Variants in SLFN11 observed in about 807,000 individuals in gnomAD.
SLFN11 encodes the protein schlafen family member 11.
In SLFN11, 43 loss-of-function variants were observed where a neutral mutation model predicts 53.4. The ratio of observed to expected loss-of-function variants is 0.80; its 90% CI spans 0.63 to 1.04. SLFN11 has a LOEUF of 1.04. Ranked by LOEUF, SLFN11 falls within the 50% of genes least tolerant of loss-of-function variation. SLFN11 has a pLI of 0.00. For synonymous variants in SLFN11, 389 were observed against 394.7 expected, an observed-to-expected ratio of 0.99 and a Z score of 0.17; for missense variants, 990 against 1,079.1, an observed-to-expected ratio of 0.92 and a Z score of 1.16.
intron 6 of SLFN11, 82 bp downstream of exon 6, chr17:35,353,254 T>C (rs533103756): frequency 1.3e-3 from 2,051 of 1,604,694 alleles, no homozygotes; most frequent in Non-Finnish European, 1.6e-3. Context: ...TACCACTCAA[T>C]TCTCAAGAAA....
chr17:35,360,868 A>G (rs116183632), intron 4 of SLFN11, among the ~76,000 whole-genome samples: 104 of 152,144 alleles, frequency 6.8e-4, no homozygotes, highest in African/African-American at 2.4e-3. Context: ...TACTCAAGAG[A>G]CTGAAGTGAG....
At position 35,363,447 on chromosome 17, in the gene SLFN11, C is replaced by A. The variant is rs12453150; in HGVS notation, c.361G>T (p.Val121Phe). The change falls in exon 4 of 7, where the codon GTC (valine) becomes TTC (phenylalanine). Residue 121 changes from valine to phenylalanine, a missense_variant. Transcript: ENST00000685675. ...CTGAGGCTGCAAAGGCGGGGCTTGA[C>A]AGAGCGATCTTCAGGGAAAGGGCCA... Reference protein sequence around the residue: ...SSGPFPEDRSVKPRLCSLSSS... With the variant: ...SSGPFPEDRSFKPRLCSLSSS... The A allele has an allele frequency of 0.52, 836,731 of 1,613,578 alleles. 222,433 individuals carry two copies. Among genetic ancestry groups the A allele is most frequent in the Non-Finnish European group, 0.54 (636,591 of 1,179,862 alleles).
At chr17:35,361,070 T>C (rs1908148759) in intron 4 of SLFN11, among the ~76,000 whole-genome samples, 1 of 152,124 alleles carries the variant, frequency 6.6e-6, no homozygotes, top group South Asian at 2.1e-4. Context: ...CTTTATAATA[T>C]CTCCTTTCCA....
chr17:35,363,315 G>A lies in SLFN11; in HGVS notation c.493C>T (p.Pro165Ser). ...ACACCCTTGTGAATTTTGTGAAAAG[G>A]TCCTTCTTCCAAGATTTTTGGCTTC... ...KRKPKILEEG[P>S]FHKIHKGVYQ... The change falls in exon 4 of 7, where the codon CCT becomes TCT. Residue 165 changes from proline (P) to serine (S), a missense_variant. Around this residue, in one of 3 missense-constraint regions of SLFN11, gnomAD observed 521 missense variants for 516.2 expected, o/e 1.01. Transcript: ENST00000685675. 1.2e-6 allele frequency: 2 copies of A among 1,613,972 alleles called. No individual in the cohort carries two copies. Among genetic ancestry groups the A allele is most frequent in the Non-Finnish European group, 8.5e-7 (1 of 1,179,992 alleles).
intron 4 of SLFN11, 49 bp from the exon 5 acceptor site, chr17:35,360,420 T>A: frequency 1.3e-6 from 2 of 1,518,886 alleles, no homozygotes; most frequent in Non-Finnish European, 8.9e-7. Flanking sequence ...CTCTTCATAC[T>A]GAAAGAGGCT....
In SLFN11 at chr17:35,352,893, T is replaced by C; in HGVS notation, c.2169A>G (p.Pro723=). The C allele has an allele frequency of 1.2e-6, 2 of 1,614,196 alleles. No individual in the cohort carries two copies. The highest frequency in any genetic ancestry group is 1.3e-5 in the African/African-American group (1 of 75,048). Residue 723 remains proline, a synonymous_variant, in exon 7 of 7, where the codon CCA becomes CCG. Transcript: ENST00000685675. ...GAACTATTCTGGTGAGCTCTTCTCT[T>C]GGATATTGGTCTGAGAGAGGAGGGA... ...SGLPPLSDQY[P]REELTRIVRN...
In SLFN11 at chr17:35,362,880, C is replaced by A; in HGVS notation, c.928G>T (p.Gly310Cys). ...TTTACTCTGATCATGCAAGCATAGC[C>A]ATAGAGCTCTCCCCTTTTTAACACA... Reference protein sequence around the residue: ...VNVLKRGELYGYACMIRVNPF... With the variant: ...VNVLKRGELYCYACMIRVNPF... The change falls in exon 4 of 7, where the codon GGC (glycine) becomes TGC (cysteine). Residue 310 changes from glycine (G) to cysteine (C), a missense_variant. Coordinates refer to ENST00000685675, the MANE Select transcript of SLFN11 (RefSeq NM_001376007.1). 1 of 1,613,950 alleles carries A rather than the reference C, an allele frequency of 6.2e-7. No homozygotes were observed. The highest frequency in any genetic ancestry group is 8.5e-7 in the Non-Finnish European group (1 of 1,179,942).
At chr17:35,368,460 G>A (rs951134948) in intron 1 of SLFN11, among the ~76,000 whole-genome samples, 3 of 152,152 alleles carry the variant, frequency 2.0e-5, no homozygotes, top group African/African-American at 7.2e-5. Context: ...GCCCTAGTGA[G>A]ATGGAAATTG....
intron 5 of SLFN11, among the ~76,000 whole-genome samples, chr17:35,354,690 G>A (rs1907245352): frequency 6.6e-6 from 1 of 152,126 alleles, no homozygotes; most frequent in Non-Finnish European, 1.5e-5. Flanking sequence ...TCTTCCCTGT[G>A]TCACAGGCAA....
chr17:35,368,246 C>G (rs1031461904), intron 1 of SLFN11, among the ~76,000 whole-genome samples: 13 of 152,082 alleles, frequency 8.5e-5, no homozygotes. Flanking sequence ...GAGGGCAGAA[C>G]AAGACGGTGT....
intron 1 of SLFN11, among the ~76,000 whole-genome samples, chr17:35,368,216 C>G (rs910034376): frequency 5.9e-5 from 9 of 152,006 alleles, no homozygotes; most frequent in Admixed American, 3.3e-4. Context: ...CAGATAGAAA[C>G]TGAACAGAAA....
At chr17:35,359,177 C>A (rs1418363627) in intron 5 of SLFN11, among the ~76,000 whole-genome samples, 13 of 151,998 alleles carry the variant, frequency 8.6e-5, no homozygotes, top group Admixed American at 8.5e-4. Context: ...GGGCATATAG[C>A]CCATTATTTT....
chr17:35,369,662 T>C (rs1420147503), intron 1 of SLFN11, among the ~76,000 whole-genome samples: 1 of 151,856 alleles, frequency 6.6e-6, no homozygotes, highest in Non-Finnish European at 1.5e-5. Context: ...CCCAAATAAA[T>C]GAAATCAGAG....
chr17:35,358,802 C>T (rs1314474510), intron 5 of SLFN11, among the ~76,000 whole-genome samples: 1 of 151,916 alleles, frequency 6.6e-6, no homozygotes, highest in African/African-American at 2.4e-5. Context: ...TTTTCCTTTT[C>T]CTTTTCCTTT....
intron 1 of SLFN11, among the ~76,000 whole-genome samples, chr17:35,371,608 C>T (rs940114044): frequency 6.6e-6 from 1 of 152,004 alleles, no homozygotes; most frequent in African/African-American, 2.4e-5. Flanking sequence ...ATATCAGGAG[C>T]TCCAACAACT....
intron 5 of SLFN11, 143 bp from the exon 6 acceptor site, chr17:35,354,202 G>T: frequency 1.6e-6 from 1 of 634,150 alleles, no homozygotes; most frequent in Non-Finnish European, 2.2e-6. Context: ...TTATATTATA[G>T]TTATAAAGGA....
chr17:35,353,317 G>A lies in SLFN11; in HGVS notation c.1922+19C>T, dbSNP rs370519137. On this transcript the variant is annotated intron_variant, in intron 6 of 6. Transcript: ENST00000685675. Reference sequence around the variant, plus strand: ...CCCAGATTAAATAATACTTAGAGACGTAAGATCCAACTGCTTACCTGATAA... The same window carrying A: ...CCCAGATTAAATAATACTTAGAGACATAAGATCCAACTGCTTACCTGATAA... The A allele has an allele frequency of 8.1e-6, 13 of 1,613,808 alleles. No individual in the cohort carries two copies. The highest frequency in any genetic ancestry group is 4.5e-5 in the East Asian group (2 of 44,878).
At position 35,353,669 on chromosome 17, in the gene SLFN11, A is replaced by G. The variant is rs768230284; in HGVS notation, c.1589T>C (p.Val530Ala). Reference sequence around the variant, plus strand: ...GGACGCAGGGTAATCCATCGGAGACACTGCAGCCTCCAAGGCCTCTGCGCT... The same window carrying G: ...GGACGCAGGGTAATCCATCGGAGACGCTGCAGCCTCCAAGGCCTCTGCGCT... ...ESSAEALEAA[V>A]SPMDYPASYS... Residue 530 changes from valine (V) to alanine (A), a missense_variant, in exon 6 of 7, where the codon GTG (valine) becomes GCG (alanine). By Grantham distance (64) the Val-to-Ala change is moderately conservative. Transcript: ENST00000685675. 8.2e-7 allele frequency: 1 copy of G among 1,213,952 alleles called. No individual in the cohort carries two copies. Among genetic ancestry groups the G allele is most frequent in the African/African-American group, 1.7e-5 (1 of 58,412 alleles). 75.2% of individuals were successfully genotyped at this position (1,213,952 alleles called of 1,614,324 possible). A position where few individuals can be genotyped will look rare whatever the true frequency, so the allele number is the denominator to read the frequency against.
chr17:35,359,432 A>T (rs919656023), intron 5 of SLFN11, among the ~76,000 whole-genome samples: 1 of 152,174 alleles, frequency 6.6e-6, no homozygotes, highest in Non-Finnish European at 1.5e-5. Context: ...ATATTTACAC[A>T]TATATAGGAC....
Sources: allele counts gnomAD v4.1 joint callset (sites outside exome capture counted in the v4.1 genomes callset), GRCh38; gene constraint gnomAD v4.1.1; regional missense constraint gnomAD v4.1.1; transcripts MANE v1.5; gene names NCBI Gene and HGNC (gene_info 2026-07-23, HGNC 2026-07-21).